Variants in KIRREL3 observed in about 807,000 individuals in gnomAD.
The protein encoded by KIRREL3 is kin of IRRE-like protein 3.
Under a neutral mutation model 89.7 loss-of-function variants are expected in KIRREL3, and 36 were observed. That is an observed-to-expected ratio of 0.40 (90% CI 0.31 to 0.53). The LOEUF (loss-of-function observed/expected upper bound fraction) is 0.53, where lower values mean the gene tolerates loss of function less well. KIRREL3 is among the 20% of genes least tolerant of loss of function. The probability of loss-of-function intolerance (pLI) is 0.49; values close to 1 mark genes in which losing one functional copy is unlikely to be tolerated. For synonymous variants in KIRREL3, 445 were observed against 441.4 expected, an observed-to-expected ratio of 1.01 and a Z score of -0.10; for missense variants, 864 against 1,056.6, an observed-to-expected ratio of 0.82 and a Z score of 2.53.
chr11:126,758,885 G>A (rs1440019709), intron 1 of KIRREL3, among the ~76,000 whole-genome samples: 2 of 152,074 alleles, frequency 1.3e-5, no homozygotes, highest in Non-Finnish European at 2.9e-5. Flanking sequence ...TTACAAAATG[G>A]AATGAGACCT....
intron 1 of KIRREL3, among the ~76,000 whole-genome samples, chr11:126,992,032 G>A (rs1297968268): frequency 2.0e-5 from 3 of 152,142 alleles, no homozygotes; most frequent in Non-Finnish European, 4.4e-5. Flanking sequence ...TGCAACTTAT[G>A]AAGCTTTACA....
Position 126,807,900 on chromosome 11 carries a change from T to C in KIRREL3, c.55+192555A>G, listed in dbSNP as rs541473766. Among the ~76,000 whole-genome samples, 9 of 152,122 alleles carry C rather than the reference T, an allele frequency of 5.9e-5. No homozygotes were observed. In the East Asian group the frequency reaches 1.7e-3, roughly 29 times the overall value. On this transcript the variant is annotated intron_variant, in intron 1 of 16. Coordinates refer to ENST00000525144, the MANE Select transcript of KIRREL3 (RefSeq NM_032531.4). The surrounding 1 kb of genome is among the most constrained non-coding windows in gnomAD (Gnocchi z 4.3). ...GAAGGTGACGAAAGGAAGCTCAAGT[T>C]GTGTGACTAATATGCCCAAGGCCAT...
At position 126,463,899 on chromosome 11, in the gene KIRREL3, T is replaced by C. The variant is rs1956632603; in HGVS notation, c.592-592A>G. The stretch of plus-strand genomic sequence containing the variant: ...CTCCCTGATCTCATTAGAGTCTCAA[T>C]CAAACCATAGGTGGGACAGATACCA... On this transcript the variant is annotated intron_variant, in intron 5 of 16. Coordinates refer to ENST00000525144, the MANE Select transcript of KIRREL3 (RefSeq NM_032531.4). The surrounding 1 kb of genome is among the most constrained non-coding windows in gnomAD (Gnocchi z 5.9). 6.6e-6 allele frequency among the ~76,000 whole-genome samples: 1 copy of C among 152,242 alleles called. No individual in the cohort carries two copies. Among genetic ancestry groups the C allele is most frequent in the Non-Finnish European group, 1.5e-5 (1 of 68,020 alleles).
intron 1 of KIRREL3, among the ~76,000 whole-genome samples, chr11:126,958,700 A>G (rs1948996231): frequency 6.6e-6 from 1 of 152,048 alleles, no homozygotes; most frequent in African/African-American, 2.4e-5. Context: ...GCACTCAAAC[A>G]CTCATGCAAA....
rs142266479 is a variant in KIRREL3 at position 126,701,514 on chromosome 11, C to T, written c.56-138602G>A. Among the ~76,000 whole-genome samples, 57 of 152,048 alleles carry T rather than the reference C, an allele frequency of 3.7e-4. No individual in the cohort carries two copies. The East Asian group carries it at 7.5e-3, about 20-fold the overall frequency. ...GAGCTTGCAATCTCTCAGCCTGTGTCGAGTCATCATGAAACTGAAGAATCC... is the reference window on the plus strand; with the variant it reads ...GAGCTTGCAATCTCTCAGCCTGTGTTGAGTCATCATGAAACTGAAGAATCC... On this transcript the variant is annotated intron_variant, in intron 1 of 16. Transcript: ENST00000525144.
At chr11:126,777,705 C>A (rs545556270) in intron 1 of KIRREL3, among the ~76,000 whole-genome samples, 1 of 152,334 alleles carries the variant, frequency 6.6e-6, no homozygotes, top group South Asian at 2.1e-4. Context: ...GTAGATATTT[C>A]TATCACTGGT....
In KIRREL3 at chr11:126,541,265, C is replaced by CTCTT. The variant is rs1226402110; in HGVS notation, c.134-14582_134-14579dup. Among the ~76,000 whole-genome samples the CTCTT allele has an allele frequency of 1.3e-5, 2 of 152,222 alleles. No homozygotes were observed. The highest frequency in any genetic ancestry group is 1.9e-4 in the East Asian group (1 of 5,188). ...TACCAGTTGATGCTGCCTCTGCCAC[C>CTCTT]TCTTAGCTGTGTGCCCTTGGGCCTG... On this transcript the variant is annotated intron_variant, in intron 2 of 16. Coordinates refer to ENST00000525144, the MANE Select transcript of KIRREL3 (RefSeq NM_032531.4). This position sits in a 1 kb window ranked among gnomAD's most constrained non-coding sequence, Gnocchi z 4.8.
intron 7 of KIRREL3, among the ~76,000 whole-genome samples, chr11:126,452,571 G>T (rs1289729379): frequency 6.6e-6 from 1 of 152,214 alleles, no homozygotes; most frequent in Non-Finnish European, 1.5e-5. Flanking sequence ...GGGCTTCCTG[G>T]AGAAGCTCTC....
At chr11:126,706,568 C>T (rs558559615) in intron 1 of KIRREL3, among the ~76,000 whole-genome samples, 44 of 152,306 alleles carry the variant, frequency 2.9e-4, no homozygotes, top group African/African-American at 9.1e-4. Flanking sequence ...GACAAATTCT[C>T]TTCCAAAGGT....
rs139717980 is a variant in KIRREL3 at position 126,840,504 on chromosome 11, C to T, written c.55+159951G>A. On this transcript the variant is annotated intron_variant, in intron 1 of 16. Coordinates refer to ENST00000525144, the MANE Select transcript of KIRREL3 (RefSeq NM_032531.4). ...TTTATAAACTTCCTCCAAAAGGCCA[C>T]GCTTTCCCACCTACACATATTAGTC... is the stretch of plus-strand genomic sequence containing the variant. Among the ~76,000 whole-genome samples the T allele has an allele frequency of 5.6e-3, 856 of 152,284 alleles. 6 individuals carry two copies. The highest frequency in any genetic ancestry group is 9.9e-3 in the Non-Finnish European group (672 of 68,020).
chr11:126,722,930 C>T (rs184967277), intron 1 of KIRREL3, among the ~76,000 whole-genome samples: 24 of 152,320 alleles, frequency 1.6e-4, no homozygotes, highest in South Asian at 4.1e-4. Flanking sequence ...GATTTCCGCA[C>T]GAAATCTCAT....
intron 4 of KIRREL3, 78 bp from the exon 5 acceptor site, chr11:126,473,544 T>C: frequency 1.6e-6 from 2 of 1,258,000 alleles, no homozygotes; most frequent in South Asian, 3.3e-5. Context: ...GAGGATTTTG[T>C]GGAGATGGCA....
Position 126,926,001 on chromosome 11 carries a change from G to A in KIRREL3, c.55+74454C>T, listed in dbSNP as rs541607818. ...TATGTACTGCAGTGACTCAGTCATG[G>A]GCAGAGACACCTGGCTGTCTTCCCA... is the stretch of plus-strand genomic sequence containing the variant. On this transcript the variant is annotated intron_variant, in intron 1 of 16. Transcript: ENST00000525144. 3.7e-4 allele frequency among the ~76,000 whole-genome samples: 56 copies of A among 152,286 alleles called. 1 individual carries two copies. In the South Asian group the frequency reaches 0.011, roughly 30 times the overall value.
At position 126,906,953 on chromosome 11, in the gene KIRREL3, T is replaced by C. The variant is rs1946613032; in HGVS notation, c.55+93502A>G. 6.6e-6 allele frequency among the ~76,000 whole-genome samples: 1 copy of C among 152,196 alleles called. No homozygotes were observed. Among genetic ancestry groups the C allele is most frequent in the Non-Finnish European group, 1.5e-5 (1 of 68,040 alleles). Reference sequence around the variant, plus strand: ...TTAGAAAGGTTCATTGTTTAGATATTGAAAGACAGGAGGGAAGCAGACCTA... The same window carrying C: ...TTAGAAAGGTTCATTGTTTAGATATCGAAAGACAGGAGGGAAGCAGACCTA... On this transcript the variant is annotated intron_variant, in intron 1 of 16. Coordinates refer to ENST00000525144, the MANE Select transcript of KIRREL3 (RefSeq NM_032531.4). This position sits in a 1 kb window ranked among gnomAD's most constrained non-coding sequence, Gnocchi z 4.1.
At chr11:126,915,525 G>A (rs1181603684) in intron 1 of KIRREL3, among the ~76,000 whole-genome samples, 1 of 152,126 alleles carries the variant, frequency 6.6e-6, no homozygotes. Context: ...TTTGAGAGAT[G>A]AATTCAGGCA....
chr11:126,936,503 G>A (rs1344246004), intron 1 of KIRREL3: 3 of 151,198 alleles, frequency 2.0e-5, no homozygotes, highest in South Asian at 4.2e-4. Flanking sequence ...TCCATCGACT[G>A]GTAAAAGAAT....
At chr11:127,001,319 G>T (rs1199835280), upstream of KIRREL3, among the ~76,000 whole-genome samples, 13 of 137,530 alleles carry the variant, frequency 9.5e-5, no homozygotes, top group Non-Finnish European at 1.9e-4. Flanking sequence ...TGTGGTGGGG[G>T]GGGGGGGTAG....
rs910956617 is a variant in KIRREL3, at chr11:126,594,737, T to C, written c.56-31825A>G. Among the ~76,000 whole-genome samples, 1 of 152,190 alleles carries C rather than the reference T, an allele frequency of 6.6e-6. No individual in the cohort carries two copies. Among genetic ancestry groups the C allele is most frequent in the African/African-American group, 2.4e-5 (1 of 41,446 alleles). ...TCCTCTGTCCAGCCGCAGGTCCTCA[T>C]AGAAAGGCAGAGACACTGAATAGAA... On this transcript the variant is annotated intron_variant, in intron 1 of 16. Coordinates refer to ENST00000525144, the MANE Select transcript of KIRREL3 (RefSeq NM_032531.4). The surrounding 1 kb of genome is among the most constrained non-coding windows in gnomAD (Gnocchi z 5.0).
At position 126,466,904 on chromosome 11, in the gene KIRREL3, C is replaced by T. The variant is rs557806855; in HGVS notation, c.592-3597G>A. Reference sequence around the variant, plus strand: ...GTGGGCCACTCACTGTGGGAGCCACCGCCTCCAAGGCCTCCCTCCAGTGTG... The same window carrying T: ...GTGGGCCACTCACTGTGGGAGCCACTGCCTCCAAGGCCTCCCTCCAGTGTG... On this transcript the variant is annotated intron_variant, in intron 5 of 16. Transcript: ENST00000525144. 4.3e-4 allele frequency among the ~76,000 whole-genome samples: 65 copies of T among 152,294 alleles called. No homozygotes were observed. In the East Asian group the frequency reaches 0.011, roughly 25 times the overall value.
Sources: gnomAD v4.1 joint callset for allele counts (sites outside exome capture counted in the v4.1 genomes callset) on GRCh38, gnomAD v4.1.1 for gene constraint, Gnocchi (gnomAD v3.1) non-coding constraint, MANE v1.5 for transcripts, NCBI Gene and HGNC (gene_info 2026-07-23, HGNC 2026-07-21) for gene names.